Variants in GABRG3 observed in about 807,000 individuals in gnomAD.
GABRG3 encodes gamma-aminobutyric acid receptor subunit gamma-3.
In GABRG3, 25 loss-of-function variants were observed where a neutral mutation model predicts 48.8. The ratio of observed to expected loss-of-function variants is 0.51; its 90% CI spans 0.37 to 0.72. The LOEUF (loss-of-function observed/expected upper bound fraction) is 0.72. Among genes scored for constraint, GABRG3 ranks in the 30% least tolerant of loss-of-function variants. GABRG3 has a pLI of 0.00. For missense variants in GABRG3, 394 were observed against 577.9 expected (o/e 0.68, Z 3.26); for synonymous variants, 227 against 217.6 (o/e 1.04, Z -0.38).
intron 3 of GABRG3, among the ~76,000 whole-genome samples, chr15:27,132,277 T>G (rs770417919): frequency 5.3e-5 from 8 of 152,054 alleles, no homozygotes; most frequent in Non-Finnish European, 8.8e-5. Context: ...GTCTTACATT[T>G]AAATGTTTAA....
At chr15:27,412,569 T>C (rs1417368653) in intron 5 of GABRG3, among the ~76,000 whole-genome samples, 1 of 152,138 alleles carries the variant, frequency 6.6e-6, no homozygotes, top group Admixed American at 6.6e-5. Context: ...CATAAATCAG[T>C]GAACTAAGCT....
At chr15:27,095,329 A>G (rs1897252446) in intron 3 of GABRG3, among the ~76,000 whole-genome samples, 1 of 152,348 alleles carries the variant, frequency 6.6e-6, no homozygotes, top group Non-Finnish European at 1.5e-5. Flanking sequence ...TGGTAAATGC[A>G]TATGCAGACA....
chr15:27,090,741 G>T (rs1475957374), intron 3 of GABRG3, among the ~76,000 whole-genome samples: 1 of 152,030 alleles, frequency 6.6e-6, no homozygotes, highest in Admixed American at 6.6e-5. Flanking sequence ...AAGTATTTTT[G>T]ACTCTATTGT....
chr15:27,306,589 T>C (rs1348265456), intron 3 of GABRG3, among the ~76,000 whole-genome samples: 1 of 131,748 alleles, frequency 7.6e-6, no homozygotes, highest in African/African-American at 2.8e-5. Flanking sequence ...TATAAACATA[T>C]AATATAAACA....
In GABRG3 at chr15:27,244,303, G is replaced by A. The variant is rs1468420986; in HGVS notation, c.271-82506G>A. Among the ~76,000 whole-genome samples the A allele has an allele frequency of 3.9e-5, 6 of 152,184 alleles. No homozygotes were observed. The South Asian group carries it at 6.2e-4, about 16-fold the overall frequency. On this transcript the variant is annotated intron_variant, in intron 3 of 9. Coordinates refer to ENST00000615808, the MANE Select transcript of GABRG3 (RefSeq NM_033223.5). ...GTCAGCACCATAGCAAGGTATGGGCGAGGATGGGCAGAGGGCAGAGGTCCC... is the reference window on the plus strand; with the variant it reads ...GTCAGCACCATAGCAAGGTATGGGCAAGGATGGGCAGAGGGCAGAGGTCCC...
At chr15:27,011,446 A>G (rs894667780) in intron 2 of GABRG3, among the ~76,000 whole-genome samples, 5 of 151,970 alleles carry the variant, frequency 3.3e-5, no homozygotes, top group Admixed American at 1.3e-4. Context: ...TTTATACAGC[A>G]TTTTATTTGA....
chr15:27,075,666 ACC>A (rs1183730934), intron 3 of GABRG3, among the ~76,000 whole-genome samples: 6 of 152,212 alleles, frequency 3.9e-5, no homozygotes, highest in African/African-American at 1.4e-4. Context: ...TATCATTTAG[ACC>A]ATTAAAAGAA....
rs184829025 is a variant in GABRG3 at position 27,133,127 on chromosome 15, T to G, written c.270+106306T>G. Among the ~76,000 whole-genome samples the G allele has an allele frequency of 1.5e-3, 223 of 152,302 alleles. 1 individual carries two copies. Among genetic ancestry groups the G allele is most frequent in the Non-Finnish European group, 2.7e-3 (181 of 68,016 alleles). The stretch of plus-strand genomic sequence containing the variant: ...GTGATTTTTTAAGTTTTTTTCTGCT[T>G]TAGATTTATAGTTTTATTCTATTAT... On this transcript the variant is annotated intron_variant, in intron 3 of 9. Transcript: ENST00000615808.
At chr15:27,478,952 T>C (rs1020710742) in intron 5 of GABRG3, among the ~76,000 whole-genome samples, 1 of 152,120 alleles carries the variant, frequency 6.6e-6, no homozygotes, top group Non-Finnish European at 1.5e-5. Context: ...GACCAAACTA[T>C]AGTGACAGAA....
intron 3 of GABRG3, among the ~76,000 whole-genome samples, chr15:27,121,146 G>T (rs1268802081): frequency 1.3e-5 from 2 of 152,146 alleles, no homozygotes; most frequent in African/African-American, 4.8e-5. Flanking sequence ...TTATGGGTCT[G>T]GTGCACTGCA....
chr15:27,266,587 A>T (rs1244784738), intron 3 of GABRG3, among the ~76,000 whole-genome samples: 1 of 152,196 alleles, frequency 6.6e-6, no homozygotes, highest in Non-Finnish European at 1.5e-5. Flanking sequence ...TCCTGCTGGG[A>T]TTTTGATTAG....
chr15:27,366,106 A>C (rs954366966), intron 5 of GABRG3: 1 of 152,220 alleles, frequency 6.6e-6, no homozygotes, highest in African/African-American at 2.4e-5. Flanking sequence ...AAACAAACAC[A>C]TGAAGCTTCT....
At chr15:27,144,236 C>T (rs933816892) in intron 3 of GABRG3, among the ~76,000 whole-genome samples, 2 of 152,170 alleles carry the variant, frequency 1.3e-5, no homozygotes, top group African/African-American at 4.8e-5. Context: ...GGCATCTTAA[C>T]TTGCTTCACT....
intron 5 of GABRG3, among the ~76,000 whole-genome samples, chr15:27,467,383 A>C (rs1015655445): frequency 6.6e-6 from 1 of 150,422 alleles, no homozygotes; most frequent in Non-Finnish European, 1.5e-5. Context: ...ATATAGTTAC[A>C]TGCCATCTTC....
At chr15:27,218,073 G>A (rs998691173) in intron 3 of GABRG3, among the ~76,000 whole-genome samples, 3 of 152,130 alleles carry the variant, frequency 2.0e-5, no homozygotes, top group Non-Finnish European at 2.9e-5. Context: ...GCAACTCTGC[G>A]ATTACAGCTC....
At chr15:27,312,554 G>T (rs977705051) in intron 3 of GABRG3, among the ~76,000 whole-genome samples, 1 of 152,136 alleles carries the variant, frequency 6.6e-6, no homozygotes, top group Non-Finnish European at 1.5e-5. Flanking sequence ...AAAGCAAGTT[G>T]TCACACACAA....
At chr15:27,469,430 T>A (rs1889717169) in intron 5 of GABRG3, among the ~76,000 whole-genome samples, 1 of 152,178 alleles carries the variant, frequency 6.6e-6, no homozygotes, top group Admixed American at 6.5e-5. Context: ...AACCTCTGCC[T>A]CTTAGGTTCA....
chr15:27,513,993 C>G (rs1303980805), intron 6 of GABRG3, among the ~76,000 whole-genome samples: 2 of 152,174 alleles, frequency 1.3e-5, no homozygotes, highest in Non-Finnish European at 2.9e-5. Context: ...ATGACAAAAA[C>G]TTTTTCTTAA....
intron 5 of GABRG3, among the ~76,000 whole-genome samples, chr15:27,413,164 T>C (rs1887846900): frequency 6.6e-6 from 1 of 152,182 alleles, no homozygotes; most frequent in South Asian, 2.1e-4. Flanking sequence ...ATTTTAGCAG[T>C]GTTTAAAAAA....
Sources: gnomAD v4.1 joint callset for allele counts (sites outside exome capture counted in the v4.1 genomes callset) on GRCh38, gnomAD v4.1.1 for gene constraint, MANE v1.5 for transcripts, NCBI Gene and HGNC (gene_info 2026-07-23, HGNC 2026-07-21) for gene names.